Variants in NSRP1 observed in about 807,000 individuals in gnomAD.
The protein encoded by NSRP1 is coiled-coil domain containing 55.
NSRP1 carries 24 observed loss-of-function variants against 54.7 expected under a neutral mutation model. The observed-to-expected ratio is 0.44, with a 90% CI of 0.32 to 0.62. The LOEUF is 0.62. NSRP1 is among the 20% of genes least tolerant of loss of function. The probability of loss-of-function intolerance (pLI) is 0.06; values close to 1 mark genes in which losing one functional copy is unlikely to be tolerated. For synonymous variants in NSRP1, 210 were observed against 213.8 expected (o/e 0.98, Z 0.15); for missense variants, 596 against 651.2 (o/e 0.92, Z 0.92).
chr17:30,131,168 G>A (rs1181294303), intron 2 of NSRP1, among the ~76,000 whole-genome samples: 1 of 152,078 alleles, frequency 6.6e-6, no homozygotes, highest in East Asian at 1.9e-4. Context: ...TTTTGTCAGT[G>A]TTTCAGTTAT....
At chr17:30,122,801 CCTGT>C (rs934355481) in intron 2 of NSRP1, among the ~76,000 whole-genome samples, 19 of 152,012 alleles carry the variant, frequency 1.2e-4, no homozygotes, top group African/African-American at 2.2e-4. Context: ...ACTTCCACAT[CCTGT>C]CTAACATTTC....
chr17:30,159,785 A>G (rs1177288781), intron 2 of NSRP1, among the ~76,000 whole-genome samples: 3 of 152,008 alleles, frequency 2.0e-5, no homozygotes, highest in Non-Finnish European at 2.9e-5. Context: ...CAGCCTCCCA[A>G]GTAGCTGGGA....
In NSRP1 at chr17:30,178,056, T is replaced by C. The variant is rs1172490494; in HGVS notation, c.172-15T>C. 2.5e-6 allele frequency: 4 copies of C among 1,611,828 alleles called. No homozygotes were observed. The African/African-American group carries it at 5.3e-5, about 22-fold the overall frequency. On this transcript the variant is annotated splice_polypyrimidine_tract_variant and intron_variant, in intron 3 of 6. Transcript: ENST00000247026. ...CTGGCTCATATTTTTGAAACATGTTTAATTTTTTTTTAAGACCAAACTGGA... is the reference window on the plus strand; with the variant it reads ...CTGGCTCATATTTTTGAAACATGTTCAATTTTTTTTTAAGACCAAACTGGA...
intron 2 of NSRP1, among the ~76,000 whole-genome samples, chr17:30,157,392 A>T (rs1904347393): frequency 6.6e-6 from 1 of 152,148 alleles, no homozygotes; most frequent in African/African-American, 2.4e-5. Flanking sequence ...ATATGTAATG[A>T]TCAAGTCAGG....
intron 2 of NSRP1, among the ~76,000 whole-genome samples, chr17:30,169,853 A>G (rs146684603): frequency 6.6e-6 from 1 of 152,038 alleles, no homozygotes; most frequent in South Asian, 2.1e-4. Context: ...CATGAAAAAA[A>G]AAAAGCACCA....
chr17:30,172,497 A>G (rs934224812), intron 2 of NSRP1, 45 bp from the exon 3 acceptor site: 1 of 1,523,788 alleles, frequency 6.6e-7, no homozygotes. Context: ...TGGAAAAGAA[A>G]TTTTAAATTT....
chr17:30,127,402 A>G (rs1165296690), intron 2 of NSRP1, among the ~76,000 whole-genome samples: 1 of 152,178 alleles, frequency 6.6e-6, no homozygotes, highest in East Asian at 1.9e-4. Context: ...GATACGATGT[A>G]TAGAATCTGA....
At chr17:30,116,884 G>C in intron 1 of NSRP1, 21 bp downstream of exon 1, 2 of 1,567,694 alleles carry the variant, frequency 1.3e-6, no homozygotes, top group Middle Eastern at 1.7e-4. Context: ...CGGGAGTTAG[G>C]GTCAGGCTGG....
chr17:30,130,296 A>C (rs1398952708), intron 2 of NSRP1, among the ~76,000 whole-genome samples: 1 of 151,852 alleles, frequency 6.6e-6, no homozygotes, highest in Non-Finnish European at 1.5e-5. Context: ...ACAGAGTCTC[A>C]CTATGTTGCC....
chr17:30,140,654 T>C (rs966600595), intron 2 of NSRP1, among the ~76,000 whole-genome samples: 3 of 150,218 alleles, frequency 2.0e-5, no homozygotes, highest in African/African-American at 4.9e-5. Context: ...TCAGCTTCCC[T>C]GAGTAGCTGG....
At chr17:30,134,145 A>G (rs1331813959) in intron 2 of NSRP1, among the ~76,000 whole-genome samples, 1 of 152,122 alleles carries the variant, frequency 6.6e-6, no homozygotes, top group Non-Finnish European at 1.5e-5. Flanking sequence ...AGAGGGAGAG[A>G]GGAGAGAGGA....
intron 2 of NSRP1, among the ~76,000 whole-genome samples, chr17:30,118,670 A>G (rs1480993956): frequency 6.6e-6 from 1 of 151,818 alleles, no homozygotes; most frequent in Non-Finnish European, 1.5e-5. Context: ...AACATTTTCT[A>G]TTTTAGCAGC....
intron 2 of NSRP1, among the ~76,000 whole-genome samples, chr17:30,135,860 A>G (rs988283282): frequency 1.3e-5 from 2 of 152,128 alleles, no homozygotes; most frequent in Non-Finnish European, 2.9e-5. Context: ...AAACATGCAT[A>G]TAGATGAAAA....
chr17:30,119,829 C>T (rs2151871660), intron 2 of NSRP1, among the ~76,000 whole-genome samples: 1 of 152,232 alleles, frequency 6.6e-6, no homozygotes, highest in Admixed American at 6.5e-5. Flanking sequence ...TATATAATAG[C>T]ATGGGTGGAT....
intron 2 of NSRP1, among the ~76,000 whole-genome samples, chr17:30,133,618 G>A (rs557591885): frequency 2.0e-5 from 3 of 152,278 alleles, no homozygotes; most frequent in South Asian, 2.1e-4. Flanking sequence ...GAAGCCAAGC[G>A]TTGACTTCTC....
intron 2 of NSRP1, among the ~76,000 whole-genome samples, chr17:30,129,707 T>A (rs1362594200): frequency 6.6e-6 from 1 of 152,178 alleles, no homozygotes; most frequent in Non-Finnish European, 1.5e-5. Flanking sequence ...AATGTTTTAG[T>A]TGTGGTTTTT....
chr17:30,147,128 TTTTC>T (rs995856506), intron 2 of NSRP1, among the ~76,000 whole-genome samples: 3 of 111,280 alleles, frequency 2.7e-5, no homozygotes, highest in Non-Finnish European at 3.7e-5. Flanking sequence ...TTTTCTTTTC[TTTTC>T]TTTTTTTTTT....
chr17:30,157,542 G>A lies in NSRP1; in HGVS notation c.115-15000G>A, dbSNP rs182222426. ...CACCTTAGTCTGCTATCAAACATTG[G>A]AACTTATTTCTTCTATCTAACTGTA... On this transcript the variant is annotated intron_variant, in intron 2 of 6. Coordinates refer to ENST00000247026, the MANE Select transcript of NSRP1 (RefSeq NM_032141.4). 2.6e-3 allele frequency among the ~76,000 whole-genome samples: 394 copies of A among 152,116 alleles called. 1 individual carries two copies. The highest frequency in any genetic ancestry group is 6.7e-3 in the Admixed American group (102 of 15,266).
intron 2 of NSRP1, among the ~76,000 whole-genome samples, chr17:30,138,120 T>C (rs1411298739): frequency 1.3e-5 from 2 of 152,194 alleles, no homozygotes; most frequent in East Asian, 3.9e-4. Flanking sequence ...TATTTGTCTT[T>C]TTGTGACGGG....
Sources: allele counts gnomAD v4.1 joint callset (sites outside exome capture counted in the v4.1 genomes callset), GRCh38; gene constraint gnomAD v4.1.1; transcripts MANE v1.5; gene names NCBI Gene and HGNC (gene_info 2026-07-23, HGNC 2026-07-21).